LRBA: variants seen among roughly 807,000 people sequenced by gnomAD.
LRBA encodes LPS responsive beige-like anchor protein.
LRBA carries 176 observed loss-of-function variants against 330.0 expected under a neutral mutation model. That is an observed-to-expected ratio of 0.53 (90% CI 0.47 to 0.60). LRBA has a LOEUF of 0.60. Among genes scored for constraint, LRBA ranks in the 20% least tolerant of loss-of-function variants. LRBA has a pLI of 0.00. For missense variants in LRBA, 3,259 were observed against 3,444.8 expected (o/e 0.95, Z 1.35); for synonymous variants, 1,230 against 1,193.0 (o/e 1.03, Z -0.64).
intron 13 of LRBA, among the ~76,000 whole-genome samples, chr4:150,903,710 A>C (rs1243714641): frequency 6.6e-6 from 1 of 152,200 alleles, no homozygotes; most frequent in Non-Finnish European, 1.5e-5. Context: ...TTAGTGACAC[A>C]GTGAGACCCT....
intron 53 of LRBA, among the ~76,000 whole-genome samples, chr4:150,299,933 T>C (rs1333325771): frequency 6.6e-6 from 1 of 152,082 alleles, no homozygotes; most frequent in Non-Finnish European, 1.5e-5. Flanking sequence ...AGGTACAATA[T>C]AGGAATACAC....
chr4:150,307,588 A>C (rs549404721), intron 52 of LRBA, among the ~76,000 whole-genome samples: 2 of 151,884 alleles, frequency 1.3e-5, no homozygotes, highest in Non-Finnish European at 2.9e-5. Flanking sequence ...AGCAAAAAAA[A>C]CAAGAAATAG....
At chr4:150,787,177 G>A (rs549618304) in intron 34 of LRBA, among the ~76,000 whole-genome samples, 5 of 150,764 alleles carry the variant, frequency 3.3e-5, no homozygotes, top group Middle Eastern at 3.2e-3. Flanking sequence ...CCAAGATTGC[G>A]CCACTGCACT....
rs753223643 is a variant in LRBA, at chr4:150,914,350, G to GAA, written c.1015-11_1015-10dup. The GAA allele has an allele frequency of 6.3e-5, 64 of 1,020,704 alleles. No individual in the cohort carries two copies. Among genetic ancestry groups the GAA allele is most frequent in the South Asian group, 1.5e-4 (6 of 39,608 alleles). 63.2% of individuals were successfully genotyped at this position (1,020,704 alleles called of 1,614,324 possible). ...AAACATTTGTCAAAGGTCTGTAAAA[G>GAA]AAAAAAAAAAAGGAATTAGGAAAAA... On this transcript the variant is annotated splice_polypyrimidine_tract_variant and intron_variant, in intron 8 of 56. Coordinates refer to ENST00000651943, the MANE Select transcript of LRBA (RefSeq NM_001364905.1).
chr4:150,375,935 T>C (rs1368869447), intron 47 of LRBA, among the ~76,000 whole-genome samples: 1 of 152,184 alleles, frequency 6.6e-6, no homozygotes, highest in Non-Finnish European at 1.5e-5. Context: ...CATCACTCAC[T>C]ATAGATAAGC....
At chr4:150,507,369 T>C (rs898393137) in intron 40 of LRBA, among the ~76,000 whole-genome samples, 6 of 152,116 alleles carry the variant, frequency 3.9e-5, no homozygotes, top group South Asian at 2.1e-4. Context: ...GGTACTGGTA[T>C]CAAAACAGAG....
At chr4:150,857,331 T>C (rs1233352238) in intron 22 of LRBA, among the ~76,000 whole-genome samples, 9 of 152,166 alleles carry the variant, frequency 5.9e-5, no homozygotes, top group Non-Finnish European at 1.2e-4. Flanking sequence ...ATTACTGACA[T>C]AATTAAGAGC....
chr4:150,592,857 T>C (rs1773061915), intron 38 of LRBA, among the ~76,000 whole-genome samples: 1 of 152,092 alleles, frequency 6.6e-6, no homozygotes, highest in Non-Finnish European at 1.5e-5. Context: ...GATCTCTAAC[T>C]ACTGGGCTCA....
chr4:151,001,054 AGCACCACTCCACTGAGGAAAATT>A (rs1743268774), intron 2 of LRBA, among the ~76,000 whole-genome samples: 1 of 152,156 alleles, frequency 6.6e-6, no homozygotes, highest in Non-Finnish European at 1.5e-5. Context: ...ATGGTGCAAC[AGCACCACTCCACTGAGGAAAATT>A]GCACTGGGTC....
At chr4:150,994,194 C>A (rs1160346512) in intron 2 of LRBA, among the ~76,000 whole-genome samples, 1 of 152,054 alleles carries the variant, frequency 6.6e-6, no homozygotes, top group East Asian at 1.9e-4. Context: ...AACCCCACCA[C>A]CATCACCACC....
intron 33 of LRBA, among the ~76,000 whole-genome samples, chr4:150,804,298 T>C (rs1371883733): frequency 2.0e-5 from 3 of 152,164 alleles, no homozygotes; most frequent in Non-Finnish European, 4.4e-5. Flanking sequence ...ATAAACTCAT[T>C]GTTACTTTTT....
In LRBA at chr4:150,935,901, T is replaced by G. The variant is rs537333842; in HGVS notation, c.217-6836A>C. 2.8e-3 allele frequency among the ~76,000 whole-genome samples: 419 copies of G among 151,960 alleles called. 1 individual carries two copies. The highest frequency in any genetic ancestry group is 9.4e-3 in the African/African-American group (392 of 41,496). ...AAAATAAATTCTAGATAACTTAAAA[T>G]ATCAAAAGTTAAATTAGAAGCCACA... On this transcript the variant is annotated intron_variant, in intron 2 of 56. Coordinates refer to ENST00000651943, the MANE Select transcript of LRBA (RefSeq NM_001364905.1).
At chr4:150,806,234 T>A in intron 33 of LRBA, 37 bp downstream of exon 33, 1 of 1,430,054 alleles carries the variant, frequency 7.0e-7, no homozygotes, top group Non-Finnish European at 9.4e-7. Flanking sequence ...TCCTGAAATA[T>A]AAATACATAC....
At chr4:150,578,231 T>G (rs1297338803) in intron 40 of LRBA, among the ~76,000 whole-genome samples, 1 of 152,216 alleles carries the variant, frequency 6.6e-6, no homozygotes, top group Non-Finnish European at 1.5e-5. Context: ...TGTATTATTA[T>G]CTTAGAATAA....
chr4:150,928,918 T>C lies in LRBA; in HGVS notation c.364A>G (p.Ile122Val), dbSNP rs1394605018. The C allele has an allele frequency of 2.5e-6, 4 of 1,614,022 alleles. No homozygotes were observed. Among genetic ancestry groups the C allele is most frequent in the Non-Finnish European group, 3.4e-6 (4 of 1,180,002 alleles). Residue 122 changes from isoleucine to valine, a missense_variant, in exon 3 of 57, where the codon ATA (isoleucine) becomes GTA (valine). By Grantham distance (29) the Ile-to-Val change is conservative. Coordinates refer to ENST00000651943, the MANE Select transcript of LRBA (RefSeq NM_001364905.1). ...TCAGTGCAGACTTGAAGATTCCGTA[T>C]GCTTTTCTTCAGAATGGCTGTAAAC... Reference protein sequence around the residue: ...SMFTAILKKSIRNLQVCTEVG... With the variant: ...SMFTAILKKSVRNLQVCTEVG...
chr4:150,618,847 T>C (rs1000970821), intron 37 of LRBA, among the ~76,000 whole-genome samples: 3 of 38,988 alleles, frequency 7.7e-5, no homozygotes, highest in African/African-American at 9.5e-5. Flanking sequence ...TATGTGTGTA[T>C]GTATATATAT....
intron 37 of LRBA, among the ~76,000 whole-genome samples, chr4:150,609,590 T>A (rs1400969791): frequency 2.0e-5 from 3 of 152,210 alleles, no homozygotes; most frequent in African/African-American, 7.2e-5. Context: ...TACTTGCCTT[T>A]GAAACCACCT....
intron 2 of LRBA, among the ~76,000 whole-genome samples, chr4:151,008,677 A>T (rs181592889): frequency 2.0e-5 from 3 of 151,846 alleles, no homozygotes; most frequent in Admixed American, 1.3e-4. Context: ...ATGAAGGTTT[A>T]AAAAAGCCAC....
intron 30 of LRBA, among the ~76,000 whole-genome samples, chr4:150,825,712 T>G (rs1165526596): frequency 6.6e-6 from 1 of 152,162 alleles, no homozygotes; most frequent in African/African-American, 2.4e-5. Context: ...TTTTTCATCA[T>G]GTTTACTGCA....
Sources: gnomAD v4.1 joint callset for allele counts (sites outside exome capture counted in the v4.1 genomes callset) on GRCh38, gnomAD v4.1.1 for gene constraint, MANE v1.5 for transcripts, NCBI Gene and HGNC (gene_info 2026-07-23, HGNC 2026-07-21) for gene names.